LPP: variants seen among roughly 807,000 people sequenced by gnomAD.
The protein encoded by LPP is LIM domain containing preferred translocation partner in lipoma.
Under a neutral mutation model 60.4 loss-of-function variants are expected in LPP, and 38 were observed. That is an observed-to-expected ratio of 0.63 (90% CI 0.49 to 0.83). LPP has a LOEUF of 0.83. Among genes scored for constraint, LPP ranks in the 40% least tolerant of loss-of-function variants. LPP has a pLI of 0.00. For missense variants in LPP, 902 were observed against 783.6 expected (o/e 1.15, Z -1.80); for synonymous variants, 328 against 290.8 (o/e 1.13, Z -1.30).
rs537107068 is a variant in LPP, at chr3:188,399,812, T to C, written c.-9-6300T>C. Among the ~76,000 whole-genome samples the C allele has an allele frequency of 5.3e-5, 8 of 152,360 alleles. 1 individual carries two copies. In the East Asian group the frequency reaches 1.3e-3, roughly 26 times the overall value. On this transcript the variant is annotated intron_variant, in intron 3 of 11. Transcript: ENST00000617246. ...TTTGTTTTTCAGTTTTGGTGATCTA[T>C]ATAAATCTTTTTAGAAGAGTAGCAT...
At chr3:188,355,224 G>T (rs1304952942) in intron 3 of LPP, among the ~76,000 whole-genome samples, 1 of 152,108 alleles carries the variant, frequency 6.6e-6, no homozygotes. Flanking sequence ...GGCCATGCTG[G>T]TCTCGAACTC....
chr3:188,755,057 G>T (rs1432984715), intron 8 of LPP, among the ~76,000 whole-genome samples: 1 of 152,086 alleles, frequency 6.6e-6, no homozygotes, highest in African/African-American at 2.4e-5. Flanking sequence ...TCAACTTTTA[G>T]AACCAAGACT....
intron 9 of LPP, among the ~76,000 whole-genome samples, chr3:188,763,351 G>A (rs1268212053): frequency 6.6e-6 from 1 of 151,880 alleles, no homozygotes; most frequent in Admixed American, 6.6e-5. Flanking sequence ...GTTCAGGAAT[G>A]AGACCAGTCT....
At chr3:188,362,478 C>G (rs1475168645) in intron 3 of LPP, among the ~76,000 whole-genome samples, 1 of 152,210 alleles carries the variant, frequency 6.6e-6, no homozygotes, top group African/African-American at 2.4e-5. Context: ...CTGCCATACT[C>G]CTTTGGACAT....
At chr3:188,577,741 CTTTG>C (rs1253670915) in intron 6 of LPP, among the ~76,000 whole-genome samples, 1,056 of 92,286 alleles carry the variant, frequency 0.011, 8 homozygotes, top group Middle Eastern at 0.026. Flanking sequence ...TCCTTCCTTC[CTTTG>C]TTCCTTCGTT....
intron 9 of LPP, among the ~76,000 whole-genome samples, chr3:188,777,404 G>A (rs1738165859): frequency 6.6e-6 from 1 of 151,826 alleles, no homozygotes; most frequent in African/African-American, 2.4e-5. Context: ...AAATATTGTA[G>A]TGGGCATTGG....
chr3:188,410,273 C>T (rs1784591879), intron 4 of LPP, among the ~76,000 whole-genome samples: 1 of 152,206 alleles, frequency 6.6e-6, no homozygotes. Context: ...CACTGTGGTT[C>T]TGCAGTTTCA....
At chr3:188,865,783 C>G (rs1766425905) in intron 9 of LPP, among the ~76,000 whole-genome samples, 1 of 151,982 alleles carries the variant, frequency 6.6e-6, no homozygotes, top group African/African-American at 2.4e-5. Context: ...TGACTTGTTA[C>G]AACAAAGCCA....
chr3:188,763,668 T>C (rs965872853), intron 9 of LPP, among the ~76,000 whole-genome samples: 3 of 152,156 alleles, frequency 2.0e-5, no homozygotes, highest in African/African-American at 7.2e-5. Flanking sequence ...ATTGTTAGTA[T>C]TCATTTTTAG....
At chr3:188,257,471 T>C (rs551600300) in intron 2 of LPP, among the ~76,000 whole-genome samples, 1 of 152,338 alleles carries the variant, frequency 6.6e-6, no homozygotes, top group South Asian at 2.1e-4. Context: ...CAAGCCAGTT[T>C]GTATTTGCTG....
At chr3:188,812,216 A>AT (rs768667531) in intron 9 of LPP, among the ~76,000 whole-genome samples, 1 of 152,166 alleles carries the variant, frequency 6.6e-6, no homozygotes, top group Non-Finnish European at 1.5e-5. Context: ...AATCTGGATA[A>AT]TTTTGGTTAC....
chr3:188,473,660 A>G (rs538417342), intron 4 of LPP, among the ~76,000 whole-genome samples: 1 of 152,290 alleles, frequency 6.6e-6, no homozygotes, highest in East Asian at 1.9e-4. Context: ...AAGTATTTTC[A>G]AATTCTGTCT....
intron 1 of LPP, among the ~76,000 whole-genome samples, chr3:188,192,743 T>C (rs147778839): frequency 2.6e-5 from 4 of 152,300 alleles, no homozygotes; most frequent in African/African-American, 7.2e-5. Context: ...TCCTGGGAAT[T>C]TGCAGTGAGT....
intron 4 of LPP, among the ~76,000 whole-genome samples, chr3:188,460,550 T>G (rs1300471788): frequency 6.6e-6 from 1 of 152,218 alleles, no homozygotes; most frequent in Non-Finnish European, 1.5e-5. Context: ...TTGATTTTAT[T>G]CCTTGTGCAG....
At chr3:188,847,915 A>G (rs1352696611) in intron 9 of LPP, among the ~76,000 whole-genome samples, 2 of 152,170 alleles carry the variant, frequency 1.3e-5, no homozygotes, top group Non-Finnish European at 2.9e-5. Flanking sequence ...AGTGAATGTA[A>G]CACATGAAGC....
intron 4 of LPP, chr3:188,472,582 A>G (rs1371695406): frequency 6.6e-6 from 1 of 152,184 alleles, no homozygotes; most frequent in Non-Finnish European, 1.5e-5. Flanking sequence ...AAGAATTTGA[A>G]GTCATTTGTG....
intron 4 of LPP, among the ~76,000 whole-genome samples, chr3:188,444,621 A>G (rs1394215890): frequency 6.6e-6 from 1 of 152,224 alleles, no homozygotes; most frequent in African/African-American, 2.4e-5. Context: ...AACAAAAGCC[A>G]AAATTGACAA....
At chr3:188,490,738 AAC>A (rs1808085226) in intron 5 of LPP, among the ~76,000 whole-genome samples, 1 of 147,618 alleles carries the variant, frequency 6.8e-6, no homozygotes, top group Non-Finnish European at 1.5e-5. Context: ...GTTTTAGCAA[AAC>A]TGGCACTGGA....
chr3:188,706,384 T>C (rs965516013), intron 7 of LPP, among the ~76,000 whole-genome samples: 1 of 152,186 alleles, frequency 6.6e-6, no homozygotes, highest in Non-Finnish European at 1.5e-5. Context: ...TCATCTCTAA[T>C]CCAAATTGTT....
Sources: gnomAD v4.1 joint callset for allele counts (sites outside exome capture counted in the v4.1 genomes callset) on GRCh38, gnomAD v4.1.1 for gene constraint, MANE v1.5 for transcripts, NCBI Gene and HGNC (gene_info 2026-07-23, HGNC 2026-07-21) for gene names.